Variants in BLTP2 observed in about 807,000 individuals in gnomAD.
The protein encoded by BLTP2 is U937-associated antigen.
At chr17:28,620,681 T>C in the BLTP2 span, 1 of 1,597,168 alleles carries the variant, frequency 6.3e-7, no homozygotes, top group Non-Finnish European at 8.6e-7. Flanking sequence ...TACCTAAATA[T>C]CTACTCCATC....
the BLTP2 span, chr17:28,632,144 T>G: frequency 6.2e-7 from 1 of 1,614,224 alleles, no homozygotes; most frequent in East Asian, 2.2e-5. Flanking sequence ...AGCTTTCCCC[T>G]GCAGATAGGC....
chr17:28,645,045 G>A, the BLTP2 span: 176 of 1,601,192 alleles, frequency 1.1e-4, no homozygotes, highest in East Asian at 3.9e-3. Flanking sequence ...GCGCGGAGAA[G>A]AACAGAGGCA....
chr17:28,626,793 A>G, the BLTP2 span, among the ~76,000 whole-genome samples: 1 of 152,250 alleles, frequency 6.6e-6, no homozygotes, highest in African/African-American at 2.4e-5. Flanking sequence ...CGCACTATGC[A>G]TCTCTTCATC....
At chr17:28,619,266 TTA>T in the BLTP2 span, among the ~76,000 whole-genome samples, 1 of 152,078 alleles carries the variant, frequency 6.6e-6, no homozygotes, top group Non-Finnish European at 1.5e-5. Context: ...TTTCATATGT[TTA>T]TGTCAGGTTC....
chr17:28,616,297 G>A, the BLTP2 span: 7 of 1,607,376 alleles, frequency 4.4e-6, no homozygotes, highest in Admixed American at 3.3e-5. This position sits in a 1 kb window ranked among gnomAD's most constrained non-coding sequence, Gnocchi z 4.8. Context: ...TGGACTTAGA[G>A]GAAACCGAAG....
chr17:28,631,752 G>A, the BLTP2 span: 2 of 1,600,206 alleles, frequency 1.2e-6, no homozygotes, highest in South Asian at 1.1e-5. Context: ...GATGGAGGAG[G>A]GGAATGGAAC....
At chr17:28,625,050 T>C in the BLTP2 span, among the ~76,000 whole-genome samples, 2 of 152,116 alleles carry the variant, frequency 1.3e-5, no homozygotes, top group East Asian at 3.9e-4. Flanking sequence ...TATGAAAGTT[T>C]AACGGGGCCA....
the BLTP2 span, chr17:28,635,352 A>G: frequency 1.9e-6 from 3 of 1,614,238 alleles, no homozygotes; most frequent in Non-Finnish European, 2.5e-6. Context: ...ACTTGTCCTC[A>G]GCTACAAAAG....
chr17:28,633,922 G>C, the BLTP2 span: 18 of 1,614,002 alleles, frequency 1.1e-5, no homozygotes, highest in South Asian at 1.6e-4. Context: ...AATTTGAGTG[G>C]GGGCATGTTC....
the BLTP2 span, chr17:28,640,812 AC>A: frequency 1.2e-6 from 1 of 805,570 alleles, no homozygotes; most frequent in Non-Finnish European, 2.0e-6. Flanking sequence ...AGCTGGATGG[AC>A]CATAAGGCGA....
the BLTP2 span, chr17:28,633,982 G>A: frequency 9.9e-6 from 16 of 1,613,978 alleles, no homozygotes; most frequent in South Asian, 7.7e-5. Context: ...AAGATCTGAC[G>A]CCGACGGGAG....
the BLTP2 span, chr17:28,617,210 G>C: frequency 1.2e-6 from 2 of 1,600,150 alleles, no homozygotes; most frequent in Non-Finnish European, 1.7e-6. Context: ...AAATGGACTA[G>C]GAAAGGGGAA....
the BLTP2 span, chr17:28,642,174 G>A: frequency 1.9e-6 from 3 of 1,574,228 alleles, no homozygotes; most frequent in East Asian, 2.2e-5. Flanking sequence ...TGACTTGAGG[G>A]AACCCCCTAA....
chr17:28,614,958 G>A, the BLTP2 span: 1 of 1,072,756 alleles, frequency 9.3e-7, no homozygotes, highest in Non-Finnish European at 1.4e-6. Flanking sequence ...TATGGGCTCT[G>A]ACACCCACAA....
At chr17:28,636,396 A>C in the BLTP2 span, among the ~76,000 whole-genome samples, 1 of 152,212 alleles carries the variant, frequency 6.6e-6, no homozygotes, top group South Asian at 2.1e-4. Context: ...CCAGTCTTTT[A>C]ATGGGCCGAG....
the BLTP2 span, chr17:28,637,011 A>T: frequency 1.2e-6 from 2 of 1,614,228 alleles, no homozygotes; most frequent in South Asian, 2.2e-5. Flanking sequence ...GAGCATGGAA[A>T]GGCTGAGCAC....
At chr17:28,640,741 C>G in the BLTP2 span, 28 of 1,560,764 alleles carry the variant, frequency 1.8e-5, no homozygotes, top group Non-Finnish European at 2.5e-5. Context: ...CCAGTTCTCC[C>G]GAAATGCCCT....
the BLTP2 span, chr17:28,634,992 T>A: frequency 3.1e-6 from 5 of 1,611,796 alleles, no homozygotes; most frequent in Non-Finnish European, 4.2e-6. Context: ...CAGGTGGGAG[T>A]GGGACAGGGC....
chr17:28,620,383 G>C, the BLTP2 span: 4 of 1,106,084 alleles, frequency 3.6e-6, no homozygotes, highest in African/African-American at 3.1e-5. Context: ...CCGACTAAGA[G>C]AATCTACCAA....
Sources: gnomAD v4.1 joint callset for allele counts (sites outside exome capture counted in the v4.1 genomes callset) on GRCh38, gnomAD v4.1.1 for gene constraint, Gnocchi (gnomAD v3.1) non-coding constraint, MANE v1.5 for transcripts, NCBI Gene and HGNC (gene_info 2026-07-23, HGNC 2026-07-21) for gene names.